The following MYOZ2 variants were observed in gnomAD, a reference collection of about 807,000 sequenced individuals.
The protein encoded by MYOZ2 is myozenin 2.
A neutral mutation model predicts 25.4 loss-of-function variants in MYOZ2; 19 were observed. That is an observed-to-expected ratio of 0.75 (90% CI 0.52 to 1.10). The LOEUF (loss-of-function observed/expected upper bound fraction) is 1.10. MYOZ2 is among the 50% of genes least tolerant of loss of function. The probability of loss-of-function intolerance (pLI) is 0.00; values close to 1 mark genes in which losing one functional copy is unlikely to be tolerated. For synonymous variants in MYOZ2, 92 were observed against 106.9 expected (o/e 0.86, Z 0.86); for missense variants, 270 against 317.9 (o/e 0.85, Z 1.15).
intron 5 of MYOZ2, among the ~76,000 whole-genome samples, chr4:119,175,385 C>T (rs1742046490): frequency 6.6e-6 from 1 of 152,050 alleles, no homozygotes; most frequent in South Asian, 2.1e-4. Flanking sequence ...TAAATAAATA[C>T]AAGGTTAATT....
intron 3 of MYOZ2, among the ~76,000 whole-genome samples, chr4:119,157,799 G>C (rs1170170510): frequency 6.6e-6 from 1 of 152,148 alleles, no homozygotes; most frequent in Non-Finnish European, 1.5e-5. Context: ...TCATTATTAA[G>C]TGGACTGTCA....
Position 119,186,385 on chromosome 4 carries a change from TA to T in MYOZ2, c.*191del. 3.4e-6 allele frequency: 2 copies of T among 588,360 alleles called. No homozygotes were observed. Among genetic ancestry groups the T allele is most frequent in the Admixed American group, 3.3e-5 (1 of 30,616 alleles). 36.4% of individuals were successfully genotyped at this position (588,360 alleles called of 1,614,324 possible). On this transcript the variant is annotated 3_prime_UTR_variant, in exon 6 of 6. Coordinates refer to ENST00000307128, the MANE Select transcript of MYOZ2 (RefSeq NM_016599.5). ...TAATAAACAATTAGAAATCTTACTT[TA>T]AAAAACTTATAACTCACTTGTCTTC...
intron 2 of MYOZ2, among the ~76,000 whole-genome samples, chr4:119,146,773 C>T (rs545973455): frequency 1.6e-4 from 25 of 152,232 alleles, no homozygotes; most frequent in African/African-American, 5.5e-4. Context: ...ATTCTTACTG[C>T]TCTTCTGCCT....
chr4:119,136,519 A>C lies in MYOZ2; in HGVS notation c.-7A>C. Reference sequence around the variant, plus strand: ...TCCCTTTGTTTTTAACAGGGAACAAAAAAACCATGCTATCACATAATACTA... The same window carrying C: ...TCCCTTTGTTTTTAACAGGGAACAACAAAACCATGCTATCACATAATACTA... On this transcript the variant is annotated 5_prime_UTR_variant, in exon 2 of 6. Coordinates refer to ENST00000307128, the MANE Select transcript of MYOZ2 (RefSeq NM_016599.5). 6.2e-7 allele frequency: 1 copy of C among 1,613,214 alleles called. No homozygotes were observed.
At chr4:119,141,584 G>A (rs72673742) in intron 2 of MYOZ2, among the ~76,000 whole-genome samples, 1 of 152,194 alleles carries the variant, frequency 6.6e-6, no homozygotes, top group Non-Finnish European at 1.5e-5. Flanking sequence ...ATTTTGCCAT[G>A]TTGGCAGGGC....
At chr4:119,142,547 C>T (rs142698301) in intron 2 of MYOZ2, among the ~76,000 whole-genome samples, 3 of 152,232 alleles carry the variant, frequency 2.0e-5, no homozygotes, top group East Asian at 3.9e-4. Context: ...GAGCAACTCC[C>T]GGGAAATTGT....
chr4:119,145,371 G>A (rs1427409187), intron 2 of MYOZ2, among the ~76,000 whole-genome samples: 1 of 128,824 alleles, frequency 7.8e-6, no homozygotes, highest in African/African-American at 3.0e-5. Context: ...TTGAGATAGG[G>A]TCTCACTCTG....
At chr4:119,151,923 C>T (rs535311347) in intron 3 of MYOZ2, among the ~76,000 whole-genome samples, 1 of 152,206 alleles carries the variant, frequency 6.6e-6, no homozygotes, top group Admixed American at 6.5e-5. Flanking sequence ...TGGACAGCTC[C>T]CTTCTTTACA....
chr4:119,177,587 CA>C (rs1388384040), intron 5 of MYOZ2, among the ~76,000 whole-genome samples: 2 of 151,632 alleles, frequency 1.3e-5, no homozygotes, highest in Admixed American at 1.3e-4. Context: ...TTTTATTTTT[CA>C]AAAAAAAGTG....
chr4:119,153,365 G>A (rs1298186752), intron 3 of MYOZ2, among the ~76,000 whole-genome samples: 1 of 151,842 alleles, frequency 6.6e-6, no homozygotes, highest in Non-Finnish European at 1.5e-5. Flanking sequence ...ATATTTATTG[G>A]GTGCCTATTA....
chr4:119,180,565 A>AT (rs893753793), intron 5 of MYOZ2, among the ~76,000 whole-genome samples: 1 of 152,000 alleles, frequency 6.6e-6, no homozygotes, highest in African/African-American at 2.4e-5. Context: ...GATCACATAT[A>AT]TTTTTTTGAG....
chr4:119,177,250 C>G (rs1161280901), intron 5 of MYOZ2, among the ~76,000 whole-genome samples: 1 of 152,096 alleles, frequency 6.6e-6, no homozygotes, highest in African/African-American at 2.4e-5. Context: ...AAATGTTTTA[C>G]CCAACTTTTA....
chr4:119,165,199 A>T (rs1375584755), intron 5 of MYOZ2, among the ~76,000 whole-genome samples: 5 of 151,558 alleles, frequency 3.3e-5, no homozygotes, highest in African/African-American at 9.7e-5. Context: ...TGCCAAATAG[A>T]CTGCATTTAA....
chr4:119,167,568 A>G (rs1047406807), intron 5 of MYOZ2, among the ~76,000 whole-genome samples: 5 of 152,254 alleles, frequency 3.3e-5, no homozygotes, highest in African/African-American at 1.2e-4. Flanking sequence ...CAGATTTTCA[A>G]TGTAGGTGAA....
chr4:119,164,008 G>A (rs568549481), intron 4 of MYOZ2, among the ~76,000 whole-genome samples: 1 of 152,170 alleles, frequency 6.6e-6, no homozygotes, highest in Admixed American at 6.5e-5. Flanking sequence ...TAAGAAAAAT[G>A]GTTTCTTTTT....
At chr4:119,159,408 G>A (rs1027016436) in intron 4 of MYOZ2, among the ~76,000 whole-genome samples, 6 of 152,088 alleles carry the variant, frequency 3.9e-5, no homozygotes, top group African/African-American at 1.4e-4. Flanking sequence ...CTCCTAAAGA[G>A]TATACATTTG....
intron 5 of MYOZ2, among the ~76,000 whole-genome samples, chr4:119,172,570 A>G (rs1019154716): frequency 6.6e-6 from 1 of 152,200 alleles, no homozygotes; most frequent in Non-Finnish European, 1.5e-5. Context: ...ACACTGTTCT[A>G]AGGTTTTACC....
chr4:119,136,740 G>A (rs1578720668), intron 2 of MYOZ2, 139 bp downstream of exon 2: 3 of 887,166 alleles, frequency 3.4e-6, no homozygotes, highest in Admixed American at 2.2e-5. Context: ...TCTAGGGGGT[G>A]TAGAAAAGCC....
At chr4:119,181,931 C>G (rs1742190818) in intron 5 of MYOZ2, among the ~76,000 whole-genome samples, 1 of 151,974 alleles carries the variant, frequency 6.6e-6, no homozygotes, top group East Asian at 1.9e-4. Context: ...AACAGAGTAT[C>G]TAGTAAATAT....
Sources: gnomAD v4.1 joint callset for allele counts (sites outside exome capture counted in the v4.1 genomes callset) on GRCh38, gnomAD v4.1.1 for gene constraint, MANE v1.5 for transcripts, NCBI Gene and HGNC (gene_info 2026-07-23, HGNC 2026-07-21) for gene names.